The following PPP2R2B variants were observed in gnomAD, a reference collection of about 807,000 sequenced individuals.
PPP2R2B encodes the protein protein phosphatase 2 regulatory subunit Bbeta.
In PPP2R2B, 5 loss-of-function variants were observed where a neutral mutation model predicts 46.0. The ratio of observed to expected loss-of-function variants is 0.11; its 90% CI spans 0.06 to 0.23. The LOEUF is 0.23. PPP2R2B is among the 10% of genes least tolerant of loss of function. The pLI, the probability that PPP2R2B is intolerant of heterozygous loss-of-function variation, is 1.00. For synonymous variants in PPP2R2B, 215 were observed against 206.7 expected, an observed-to-expected ratio of 1.04 and a Z score of -0.34; for missense variants, 367 against 575.0, an observed-to-expected ratio of 0.64 and a Z score of 3.70.
chr5:146,973,153 A>G (rs1752741442), intron 1 of PPP2R2B, among the ~76,000 whole-genome samples: 1 of 152,176 alleles, frequency 6.6e-6, no homozygotes, highest in African/African-American at 2.4e-5. Flanking sequence ...AAAAATGAGT[A>G]GGATTTGATT....
intron 1 of PPP2R2B, among the ~76,000 whole-genome samples, chr5:147,032,254 C>A (rs1755819481): frequency 6.6e-6 from 1 of 152,100 alleles, no homozygotes; most frequent in Non-Finnish European, 1.5e-5. Flanking sequence ...ATAGACAATT[C>A]TCAAAAGAAG....
intron 2 of PPP2R2B, among the ~76,000 whole-genome samples, chr5:147,073,299 C>A (rs1053330477): frequency 6.6e-6 from 1 of 152,120 alleles, no homozygotes; most frequent in Non-Finnish European, 1.5e-5. Flanking sequence ...TGCAAAGAAC[C>A]CGCTTCCCTT....
At chr5:146,910,746 A>G (rs1763149202) in intron 1 of PPP2R2B, among the ~76,000 whole-genome samples, 1 of 152,194 alleles carries the variant, frequency 6.6e-6, no homozygotes, top group African/African-American at 2.4e-5. Context: ...GTCTTTCAGA[A>G]GTTTCTTACT....
At chr5:147,071,948 A>G (rs2151911399) in intron 2 of PPP2R2B, among the ~76,000 whole-genome samples, 1 of 152,326 alleles carries the variant, frequency 6.6e-6, no homozygotes, top group African/African-American at 2.4e-5. Flanking sequence ...GCATCTTGAA[A>G]GCATGATGGA....
intron 2 of PPP2R2B, among the ~76,000 whole-genome samples, chr5:146,835,984 T>A (rs1270908866): frequency 6.6e-6 from 1 of 152,190 alleles, no homozygotes; most frequent in Non-Finnish European, 1.5e-5. Context: ...GTTCCATTAT[T>A]TGTAAGAAGG....
intron 2 of PPP2R2B, among the ~76,000 whole-genome samples, chr5:146,809,723 A>G (rs920932348): frequency 2.0e-5 from 3 of 152,188 alleles, no homozygotes; most frequent in Admixed American, 6.5e-5. Flanking sequence ...AACAACGGGA[A>G]ATGATTGGAG....
At chr5:146,764,623 G>C (rs530244855) in intron 2 of PPP2R2B, among the ~76,000 whole-genome samples, 1 of 152,134 alleles carries the variant, frequency 6.6e-6, no homozygotes, top group Non-Finnish European at 1.5e-5. Context: ...GCACCTGCAA[G>C]AGTGAGTTCA....
At chr5:146,845,872 G>A (rs1205344907) in intron 2 of PPP2R2B, among the ~76,000 whole-genome samples, 1 of 152,126 alleles carries the variant, frequency 6.6e-6, no homozygotes, top group Non-Finnish European at 1.5e-5. Context: ...AACTTTGGGA[G>A]CTCCAGACCT....
chr5:146,984,148 T>C (rs1368820487), intron 1 of PPP2R2B, among the ~76,000 whole-genome samples: 2 of 152,202 alleles, frequency 1.3e-5, no homozygotes, highest in South Asian at 2.1e-4. Flanking sequence ...TTATTAACTA[T>C]ATTAAACATG....
intron 1 of PPP2R2B, among the ~76,000 whole-genome samples, chr5:147,001,817 GCTTT>G (rs980457790): frequency 9.9e-5 from 15 of 152,260 alleles, no homozygotes; most frequent in African/African-American, 3.6e-4. Context: ...CTGAGAAAGG[GCTTT>G]CTAACAACCC....
chr5:146,663,097 C>T (rs1364710476), intron 5 of PPP2R2B, among the ~76,000 whole-genome samples: 1 of 152,170 alleles, frequency 6.6e-6, no homozygotes, highest in Non-Finnish European at 1.5e-5. Context: ...CATTTACACT[C>T]ATAACAATTT....
Position 146,631,769 on chromosome 5 carries a change from A to G in PPP2R2B, c.790+6482T>C, listed in dbSNP as rs1258775963. Among the ~76,000 whole-genome samples, 4 of 152,136 alleles carry G rather than the reference A, an allele frequency of 2.6e-5. No individual in the cohort carries two copies. The East Asian group carries it at 7.7e-4, about 29-fold the overall frequency. ...CAACCTGCCTGGTGAAACTGTCGAG[A>G]CCCAATGCACAGGTTTCTATCATCC... On this transcript the variant is annotated intron_variant, in intron 7 of 9. Transcript: ENST00000394411.
intron 2 of PPP2R2B, among the ~76,000 whole-genome samples, chr5:146,872,272 C>G (rs1249570911): frequency 6.6e-6 from 1 of 152,184 alleles, no homozygotes; most frequent in African/African-American, 2.4e-5. Context: ...AGTAGCAGAA[C>G]ATTTCCCATC....
rs369130973 is a variant in PPP2R2B, at chr5:146,957,987, G to A, written c.79+97678C>T. Among the ~76,000 whole-genome samples, 518 of 152,214 alleles carry A rather than the reference G, an allele frequency of 3.4e-3. 5 individuals carry two copies. The highest frequency in any genetic ancestry group is 0.015 in the South Asian group (71 of 4,810). ...TGCTCAAAATATAAAGTGAACCTAG[G>A]ACTGACAGAAAAGGGTCGAATAATG... On this transcript the variant is annotated intron_variant, in intron 1 of 8. Coordinates refer to the PPP2R2B transcript ENST00000336640.
Position 146,638,338 on chromosome 5 carries a change from A to G in PPP2R2B, c.703T>C (p.Cys235Arg), listed in dbSNP as rs1392799845. 6.2e-7 allele frequency: 1 copy of G among 1,613,720 alleles called. No individual in the cohort carries two copies. The highest frequency in any genetic ancestry group is 1.3e-5 in the African/African-American group (1 of 74,912). The change falls in exon 7 of 10, where the codon TGC (cysteine) becomes CGC (arginine). Residue 235 changes from cysteine to arginine, a missense_variant. By Grantham distance (180) the Cys-to-Arg change is radical (BLOSUM62 -3). Transcript: ENST00000394411. ...CTGCTGCTGTACACGAAGGTGTTGC[A>G]ATGATGGGGGTGGAACTCGGCTGCT... The part of the protein sequence containing the change: ...ITAAEFHPHH[C>R]NTFVYSSSKG...
rs185158722 is a variant in PPP2R2B at position 146,695,778 on chromosome 5, A to G, written c.334+2201T>C. Among the ~76,000 whole-genome samples the G allele has an allele frequency of 2.0e-5, 3 of 152,246 alleles. No homozygotes were observed. The East Asian group carries it at 5.8e-4, about 29-fold the overall frequency. ...GCTTTTAAACACAATCTTATCATCT[A>G]TCTTCATTTTCTCTTTTGTACAGTA... On this transcript the variant is annotated intron_variant, in intron 4 of 9. Transcript: ENST00000394411.
chr5:146,631,073 A>C (rs1440919043), intron 7 of PPP2R2B, among the ~76,000 whole-genome samples: 1 of 152,178 alleles, frequency 6.6e-6, no homozygotes, highest in Non-Finnish European at 1.5e-5. Flanking sequence ...GAGGGGAAGA[A>C]ACAAAACAAA....
At chr5:147,063,602 C>T (rs1757333846) in intron 2 of PPP2R2B, among the ~76,000 whole-genome samples, 1 of 152,148 alleles carries the variant, frequency 6.6e-6, no homozygotes, top group African/African-American at 2.4e-5. Context: ...CAGAAAAAAA[C>T]TGTCCTATCT....
At chr5:147,028,098 T>C (rs927851313) in intron 1 of PPP2R2B, among the ~76,000 whole-genome samples, 1 of 152,136 alleles carries the variant, frequency 6.6e-6, no homozygotes, top group African/African-American at 2.4e-5. Flanking sequence ...CAAGAGGAGA[T>C]AAGAGGGAAG....
Sources: gnomAD v4.1 joint callset for allele counts (sites outside exome capture counted in the v4.1 genomes callset) on GRCh38, gnomAD v4.1.1 for gene constraint, MANE v1.5 for transcripts, NCBI Gene and HGNC (gene_info 2026-07-23, HGNC 2026-07-21) for gene names.